SLC5A4: variants seen among roughly 807,000 people sequenced by gnomAD.
SLC5A4 encodes solute carrier family 5 member 4, also known as probable glucose sensor protein SLC5A4.
In SLC5A4, 55 loss-of-function variants were observed where a neutral mutation model predicts 70.3. The ratio of observed to expected loss-of-function variants is 0.78; its 90% CI spans 0.63 to 0.98. SLC5A4 has a LOEUF of 0.98. Ranked by LOEUF, SLC5A4 falls within the 50% of genes least tolerant of loss-of-function variation. SLC5A4 has a pLI of 0.00. For missense variants in SLC5A4, 735 were observed against 839.2 expected, an observed-to-expected ratio of 0.88 and a Z score of 1.53; for synonymous variants, 268 against 305.7, an observed-to-expected ratio of 0.88 and a Z score of 1.29.
intron 13 of SLC5A4, 123 bp from the exon 14 acceptor site, chr22:32,221,145 A>G: frequency 1.8e-6 from 1 of 551,760 alleles, no homozygotes; most frequent in Non-Finnish European, 3.2e-6. Context: ...GAGAATATAG[A>G]TCACAAAGAA....
chr22:32,218,582 T>C lies in SLC5A4; in HGVS notation c.1912A>G (p.Thr638Ala). Residue 638 changes from threonine to alanine, a missense_variant, in exon 15 of 15, where the codon ACA (threonine) becomes GCA (alanine). Physicochemically the swap from Thr to Ala is moderately conservative, Grantham distance 58 (BLOSUM62 0). Coordinates refer to ENST00000266086, the MANE Select transcript of SLC5A4 (RefSeq NM_014227.3). ...AGGATGGCGTTGATGTTCACTATTG[T>C]CCTCCACGAGGGCCTCTCAGACGTG... ...TDTSERPSWR[T>A]IVNINAILLL... 6.2e-7 allele frequency: 1 copy of C among 1,613,984 alleles called. No homozygotes were observed. Among genetic ancestry groups the C allele is most frequent in the Non-Finnish European group, 8.5e-7 (1 of 1,179,960 alleles).
At chr22:32,254,037 T>C (rs1419738552) in intron 2 of SLC5A4, 105 bp downstream of exon 2, 1 of 895,162 alleles carries the variant, frequency 1.1e-6, no homozygotes, top group African/African-American at 1.6e-5. Flanking sequence ...AGCCTTGGCC[T>C]CCCAAAGTGC....
At chr22:32,348,708 A>AT in the SLC5A4 span, among the ~76,000 whole-genome samples, 6 of 152,080 alleles carry the variant, frequency 3.9e-5, no homozygotes, top group Non-Finnish European at 8.8e-5. Flanking sequence ...TCTTTATAAC[A>AT]TTTTTTCTTG....
At chr22:32,306,823 A>T in the SLC5A4 span, among the ~76,000 whole-genome samples, 4 of 152,304 alleles carry the variant, frequency 2.6e-5, no homozygotes, top group Non-Finnish European at 4.4e-5. Context: ...TTTGACTATG[A>T]TGTATGCTAC....
At chr22:32,227,807 C>T (rs903187973) in intron 11 of SLC5A4, among the ~76,000 whole-genome samples, 3 of 151,932 alleles carry the variant, frequency 2.0e-5, no homozygotes, top group African/African-American at 7.3e-5. Context: ...TGGTCGTGCA[C>T]GCCTCTAGTC....
chr22:32,308,775 T>A, the SLC5A4 span, among the ~76,000 whole-genome samples: 4 of 151,870 alleles, frequency 2.6e-5, no homozygotes, highest in Non-Finnish European at 5.9e-5. Flanking sequence ...TGTATGTGTG[T>A]GAGGGCATGT....
the SLC5A4 span, among the ~76,000 whole-genome samples, chr22:32,325,872 C>T: frequency 6.6e-6 from 1 of 152,256 alleles, no homozygotes; most frequent in African/African-American, 2.4e-5. Context: ...CACAGGGCCA[C>T]ACAGCCAGCC....
chr22:32,242,601 TA>T (rs1926601232), intron 5 of SLC5A4, among the ~76,000 whole-genome samples: 1 of 151,962 alleles, frequency 6.6e-6, no homozygotes, highest in Non-Finnish European at 1.5e-5. Flanking sequence ...CCCAGCTACT[TA>T]GGAGGCTGAG....
chr22:32,311,430 C>A, the SLC5A4 span, among the ~76,000 whole-genome samples: 18 of 152,248 alleles, frequency 1.2e-4, no homozygotes, highest in African/African-American at 4.1e-4. Flanking sequence ...TGTGTCTACA[C>A]TGGCAGCGTG....
At chr22:32,304,940 G>C in the SLC5A4 span, among the ~76,000 whole-genome samples, 1 of 151,802 alleles carries the variant, frequency 6.6e-6, no homozygotes, top group African/African-American at 2.4e-5. Flanking sequence ...ATTTTTCCAC[G>C]TGAATGTCCA....
chr22:32,312,319 A>AAAAC, the SLC5A4 span, among the ~76,000 whole-genome samples: 7 of 151,694 alleles, frequency 4.6e-5, no homozygotes, highest in South Asian at 1.5e-3. Flanking sequence ...AGCCCCAATA[A>AAAAC]AAACCAACCA....
chr22:32,249,333 G>A (rs1349459948), intron 3 of SLC5A4, among the ~76,000 whole-genome samples: 4 of 152,174 alleles, frequency 2.6e-5, no homozygotes, highest in Non-Finnish European at 5.9e-5. Context: ...GGGAACTTGA[G>A]CCTTACAGAG....
intron 14 of SLC5A4, among the ~76,000 whole-genome samples, chr22:32,219,367 C>T (rs1422021905): frequency 1.3e-5 from 2 of 152,058 alleles, no homozygotes; most frequent in Non-Finnish European, 2.9e-5. Flanking sequence ...CAGAAAGACT[C>T]ATGTATATGG....
the SLC5A4 span, among the ~76,000 whole-genome samples, chr22:32,308,197 T>C: frequency 6.6e-6 from 1 of 151,926 alleles, no homozygotes; most frequent in Non-Finnish European, 1.5e-5. Context: ...GGGGGAAATC[T>C]GTAAATTCAC....
chr22:32,285,910 GTA>G, the SLC5A4 span, among the ~76,000 whole-genome samples: 1 of 151,770 alleles, frequency 6.6e-6, no homozygotes, highest in Non-Finnish European at 1.5e-5. Context: ...CTTATTTTTT[GTA>G]TTTTTAGTAG....
the SLC5A4 span, among the ~76,000 whole-genome samples, chr22:32,330,914 TG>T: frequency 1.8e-5 from 2 of 109,326 alleles, no homozygotes; most frequent in Non-Finnish European, 3.7e-5. Context: ...TGTGTGTGTG[TG>T]TTGGAGGCCT....
the SLC5A4 span, among the ~76,000 whole-genome samples, chr22:32,285,703 CT>C: frequency 1.6e-5 from 2 of 127,934 alleles, no homozygotes; most frequent in Non-Finnish European, 3.3e-5. Context: ...ATCTTATTTT[CT>C]TTTTTTATTT....
chr22:32,330,395 TGGG>T, the SLC5A4 span, among the ~76,000 whole-genome samples: 28 of 24,234 alleles, frequency 1.2e-3, 1 homozygote, highest in African/African-American at 1.9e-3. Context: ...CTCTGTGTAT[TGGG>T]GCTCTGGTGT....
intron 4 of SLC5A4, among the ~76,000 whole-genome samples, chr22:32,247,900 C>A (rs959162532): frequency 6.6e-6 from 1 of 152,236 alleles, no homozygotes; most frequent in Non-Finnish European, 1.5e-5. Flanking sequence ...GAATCCCTGG[C>A]TCCATTAATG....
Sources: gnomAD v4.1 joint callset for allele counts (sites outside exome capture counted in the v4.1 genomes callset) on GRCh38, gnomAD v4.1.1 for gene constraint, MANE v1.5 for transcripts, NCBI Gene and HGNC (gene_info 2026-07-23, HGNC 2026-07-21) for gene names.